Variants in GALC observed in about 807,000 individuals in gnomAD.
GALC encodes the protein galactosylceramidase.
GALC carries 77 observed loss-of-function variants against 91.8 expected under a neutral mutation model. The ratio of observed to expected loss-of-function variants is 0.84; its 90% CI spans 0.70 to 1.01. The LOEUF (loss-of-function observed/expected upper bound fraction) is 1.01, where lower values mean the gene tolerates loss of function less well. GALC is among the 50% of genes least tolerant of loss of function. The pLI is 0.00. For missense variants in GALC, 882 were observed against 855.9 expected (o/e 1.03, Z -0.38); for synonymous variants, 357 against 306.7 (o/e 1.16, Z -1.71).
intron 10 of GALC, chr14:87,954,261 C>A: frequency 2.6e-6 from 4 of 1,535,032 alleles, no homozygotes; most frequent in Non-Finnish European, 3.6e-6. Flanking sequence ...GCACCTTCAG[C>A]CTGATGTATT....
At chr14:87,953,188 G>T in intron 10 of GALC, 1 of 1,500,974 alleles carries the variant, frequency 6.7e-7, no homozygotes, top group South Asian at 1.1e-5. Flanking sequence ...GAAGGTCTCA[G>T]ACCTTAAAAT....
chr14:87,968,532 A>G, intron 7 of GALC, 42 bp from the exon 8 acceptor site: 2 of 1,586,188 alleles, frequency 1.3e-6, no homozygotes, highest in Non-Finnish European at 1.7e-6. Flanking sequence ...AAAGGTCACG[A>G]CGTGGCACTT....
chr14:87,959,107 T>C (rs865912676), intron 10 of GALC, among the ~76,000 whole-genome samples: 2 of 152,094 alleles, frequency 1.3e-5, no homozygotes, highest in East Asian at 1.9e-4. Context: ...ATCTAGACTA[T>C]GTAAAGAACT....
intron 13 of GALC, among the ~76,000 whole-genome samples, chr14:87,946,255 T>C (rs1885067300): frequency 6.6e-6 from 1 of 152,084 alleles, no homozygotes; most frequent in South Asian, 2.1e-4. Context: ...GTTTACTATA[T>C]CAAGCATAAA....
chr14:87,976,349 A>G lies in GALC; in HGVS notation c.752+9T>C. The G allele has an allele frequency of 6.2e-7, 1 of 1,613,906 alleles. No homozygotes were observed. The highest frequency in any genetic ancestry group is 8.5e-7 in the Non-Finnish European group (1 of 1,179,964). On this transcript the variant is annotated intron_variant, in intron 7 of 16. Transcript: ENST00000261304. ...AAACTGCTAGTTTTCCAAGTAAAAC[A>G]TGCCTTACCCTATAACATCAACCAC...
At chr14:87,978,652 T>C (rs975155410) in intron 6 of GALC, among the ~76,000 whole-genome samples, 2 of 152,160 alleles carry the variant, frequency 1.3e-5, no homozygotes, top group Non-Finnish European at 2.9e-5. Context: ...AGAAGCTCTA[T>C]TTATAAGACA....
At chr14:87,959,697 A>T (rs1885714878) in intron 10 of GALC, 1 of 150,644 alleles carries the variant, frequency 6.6e-6, no homozygotes, top group Non-Finnish European at 1.5e-5. Flanking sequence ...TCCAGCCTGG[A>T]AGTGCAGAGT....
chr14:87,950,058 C>A (rs1468784971), intron 11 of GALC, 127 bp from the exon 12 acceptor site: 3 of 545,016 alleles, frequency 5.5e-6, no homozygotes, highest in Admixed American at 6.6e-5. Context: ...AGAAACACCT[C>A]AAATATTAAA....
Position 87,940,050 on chromosome 14 carries a change from GT to G in GALC, c.1835-70del, listed in dbSNP as rs569416343. ...CTCAATCACAGAATCATATAATTCAGTGGGGTTCTTGAGTGGCATCTGTATG... is the reference window on the plus strand; with the variant it reads ...CTCAATCACAGAATCATATAATTCAGGGGGTTCTTGAGTGGCATCTGTATG... On this transcript the variant is annotated intron_variant, in intron 15 of 16. Coordinates refer to ENST00000261304, the MANE Select transcript of GALC (RefSeq NM_000153.4). 134 of 1,293,716 alleles carry G rather than the reference GT, an allele frequency of 1.0e-4. 1 individual carries two copies. In the South Asian group the frequency reaches 1.6e-3, roughly 15 times the overall value. 80.1% of individuals were successfully genotyped at this position (1,293,716 alleles called of 1,614,324 possible).
intron 8 of GALC, among the ~76,000 whole-genome samples, chr14:87,966,466 A>T (rs1454053903): frequency 6.6e-6 from 1 of 152,070 alleles, no homozygotes; most frequent in African/African-American, 2.4e-5. Flanking sequence ...GCTTACCCAC[A>T]GAATTTTATT....
intron 7 of GALC, among the ~76,000 whole-genome samples, chr14:87,974,998 T>A (rs947595675): frequency 2.0e-5 from 3 of 152,110 alleles, no homozygotes; most frequent in Non-Finnish European, 4.4e-5. Context: ...AACTTTGTTT[T>A]CCTTCAAGAC....
At chr14:87,949,044 A>G (rs964995086) in intron 12 of GALC, among the ~76,000 whole-genome samples, 2 of 152,066 alleles carry the variant, frequency 1.3e-5, no homozygotes, top group Non-Finnish European at 2.9e-5. Flanking sequence ...CCAGTGGTGC[A>G]GGAAAAGCAT....
chr14:87,973,818 C>T (rs1347956933), intron 7 of GALC, among the ~76,000 whole-genome samples: 6 of 152,146 alleles, frequency 3.9e-5, no homozygotes, highest in African/African-American at 1.4e-4. Flanking sequence ...CTCCATCCAT[C>T]GGATTCCAGT....
At chr14:87,960,388 A>C (rs1037032202) in intron 10 of GALC, among the ~76,000 whole-genome samples, 1 of 152,186 alleles carries the variant, frequency 6.6e-6, no homozygotes, top group African/African-American at 2.4e-5. Context: ...TGTGTATTAC[A>C]AAACAGCTAG....
At chr14:87,960,161 G>A (rs888559417) in intron 10 of GALC, among the ~76,000 whole-genome samples, 1 of 151,636 alleles carries the variant, frequency 6.6e-6, no homozygotes, top group African/African-American at 2.4e-5. Context: ...GACAGGAAGA[G>A]GTCGGTCAAC....
In GALC at chr14:87,982,236, T is replaced by C. The variant is rs1444881094; in HGVS notation, c.590A>G (p.Asn197Ser). 1.3e-6 allele frequency: 2 copies of C among 1,583,184 alleles called. No homozygotes were observed. The highest frequency in any genetic ancestry group is 2.7e-5 in the African/African-American group (2 of 74,426). The change falls in exon 6 of 17, where the codon AAT (asparagine) becomes AGT (serine). Residue 197 changes from asparagine (N) to serine (S), a missense_variant. Transcript: ENST00000261304. ...DLDIDYIGIW[N>S]ERSYNANYIK... is the part of the protein sequence containing the mutation. ...ATAATTGGCATTATATGACCTCTCA[T>C]TCCAAATCTGCAAAACAAAAAGTCA...
intron 1 of GALC, chr14:87,992,661 C>G: frequency 6.9e-7 from 1 of 1,439,460 alleles, no homozygotes; most frequent in Non-Finnish European, 9.1e-7. Context: ...CTGCCTGGGA[C>G]GAGGGTTCCA....
chr14:87,956,485 C>T (rs1358273074), intron 10 of GALC, among the ~76,000 whole-genome samples: 1 of 151,322 alleles, frequency 6.6e-6, no homozygotes, highest in Non-Finnish European at 1.5e-5. Context: ...TTATTTCATT[C>T]TTTCTATGCT....
Position 87,976,499 on chromosome 14 carries a change from A to G in GALC, c.622-11T>C. The G allele has an allele frequency of 1.2e-6, 2 of 1,604,878 alleles. No homozygotes were observed. The highest frequency in any genetic ancestry group is 3.3e-4 in the Middle Eastern group (2 of 6,052). ...CATTTTTCTTAATATCTTTTGGAGT[A>G]AGAAACAGAACATATGAAAGGATAC... On this transcript the variant is annotated splice_polypyrimidine_tract_variant and intron_variant, in intron 6 of 16. Transcript: ENST00000261304.
Sources: allele counts gnomAD v4.1 joint callset (sites outside exome capture counted in the v4.1 genomes callset), GRCh38; gene constraint gnomAD v4.1.1; transcripts MANE v1.5; gene names NCBI Gene and HGNC (gene_info 2026-07-23, HGNC 2026-07-21).